Variants in ZNF362 observed in about 807,000 individuals in gnomAD.
ZNF362 encodes the protein zinc finger protein 362.
Under a neutral mutation model 42.9 loss-of-function variants are expected in ZNF362, and 11 were observed. The ratio of observed to expected loss-of-function variants is 0.26; its 90% CI spans 0.16 to 0.42. The LOEUF (loss-of-function observed/expected upper bound fraction) is 0.42, where lower values mean the gene tolerates loss of function less well. Among genes scored for constraint, ZNF362 ranks in the 20% least tolerant of loss-of-function variants. The pLI is 1.00. For missense variants in ZNF362, 362 were observed against 576.2 expected, an observed-to-expected ratio of 0.63 and a Z score of 3.81; for synonymous variants, 255 against 257.3, an observed-to-expected ratio of 0.99 and a Z score of 0.09.
At chr1:33,201,981 A>G in the ZNF362 span, among the ~76,000 whole-genome samples, 1 of 152,260 alleles carries the variant, frequency 6.6e-6, no homozygotes, top group African/African-American at 2.4e-5. Context: ...AGGGAGTACT[A>G]TGAGCACCTT....
the ZNF362 span, chr1:33,164,410 T>G: frequency 1.3e-5 from 2 of 152,344 alleles, no homozygotes; most frequent in Non-Finnish European, 1.5e-5. Flanking sequence ...TCACTCTGTA[T>G]AGTGGGGACT....
At chr1:33,162,138 A>T in the ZNF362 span, among the ~76,000 whole-genome samples, 102 of 152,288 alleles carry the variant, frequency 6.7e-4, no homozygotes, top group Non-Finnish European at 1.1e-3. Context: ...ATCCTTCTAA[A>T]GTGCCAACTG....
chr1:33,178,758 C>T, the ZNF362 span, among the ~76,000 whole-genome samples: 18 of 152,358 alleles, frequency 1.2e-4, no homozygotes, highest in South Asian at 3.7e-3. Context: ...CACAACAGTG[C>T]ACTAGAGAGT....
Position 33,294,884 on chromosome 1 carries a change from C to A in ZNF362, c.909-53C>A. 1 of 1,595,206 alleles carries A rather than the reference C, an allele frequency of 6.3e-7. No individual in the cohort carries two copies. The highest frequency in any genetic ancestry group is 8.6e-7 in the Non-Finnish European group (1 of 1,163,392). ...CAGAGTAAGGACTTGGGAACTGGAG[C>A]GGTCTTGGGGTGTGTGTCAGGGACT... On this transcript the variant is annotated intron_variant, in intron 6 of 8. Transcript: ENST00000539719. This position sits in a 1 kb window ranked among gnomAD's most constrained non-coding sequence, Gnocchi z 4.2.
Position 33,299,155 on chromosome 1 carries a change from G to C in ZNF362, c.*109G>C, listed in dbSNP as rs968111914. The C allele has an allele frequency of 2.3e-5, 19 of 813,666 alleles. No homozygotes were observed. Among genetic ancestry groups the C allele is most frequent in the Non-Finnish European group, 3.4e-5 (17 of 499,556 alleles). The allele number at this position is 813,666 out of a possible 1,614,324, so 50.4% of individuals were successfully genotyped here. On this transcript the variant is annotated 3_prime_UTR_variant, in exon 9 of 9. Transcript: ENST00000539719. ...TCCAGGAACCACCAAGCTCTCTCAC[G>C]ACCTTCCCAATCTTCCAGAAAGCTT...
intron 6 of ZNF362, among the ~76,000 whole-genome samples, chr1:33,292,451 G>A (rs964248179): frequency 6.6e-6 from 1 of 152,200 alleles, no homozygotes; most frequent in African/African-American, 2.4e-5. Flanking sequence ...TTTTTGATGT[G>A]TGGCTGGATT....
At chr1:33,149,019 C>T in the ZNF362 span, among the ~76,000 whole-genome samples, 2 of 152,348 alleles carry the variant, frequency 1.3e-5, no homozygotes, top group East Asian at 1.9e-4. Context: ...ACACGGTTCC[C>T]TCCACCTCCT....
At chr1:33,195,987 C>T in the ZNF362 span, 1 of 152,148 alleles carries the variant, frequency 6.6e-6, no homozygotes, top group Admixed American at 6.5e-5. Context: ...CGTTGTACAG[C>T]TGTACTAAAA....
At chr1:33,152,917 A>G in the ZNF362 span, among the ~76,000 whole-genome samples, 1 of 152,046 alleles carries the variant, frequency 6.6e-6, no homozygotes, top group Non-Finnish European at 1.5e-5. Context: ...CCTTGGGACA[A>G]TGGGCTGCCT....
At chr1:33,265,156 A>G (rs1300706693) in intron 1 of ZNF362, among the ~76,000 whole-genome samples, 1 of 151,714 alleles carries the variant, frequency 6.6e-6, no homozygotes, top group Non-Finnish European at 1.5e-5. Context: ...AAATAGAAGT[A>G]GGGAGGGGGA....
At chr1:33,218,283 A>G in the ZNF362 span, among the ~76,000 whole-genome samples, 1 of 152,186 alleles carries the variant, frequency 6.6e-6, no homozygotes, top group East Asian at 1.9e-4. Flanking sequence ...TCTACAAAAA[A>G]TTTAAAAATT....
the ZNF362 span, among the ~76,000 whole-genome samples, chr1:33,208,706 T>C: frequency 6.6e-6 from 1 of 152,128 alleles, no homozygotes; most frequent in Non-Finnish European, 1.5e-5. Context: ...TGAATAGGAG[T>C]TCACTCATGA....
chr1:33,292,014 C>G (rs1407851393), intron 6 of ZNF362, among the ~76,000 whole-genome samples: 1 of 152,194 alleles, frequency 6.6e-6, no homozygotes, highest in Non-Finnish European at 1.5e-5. Flanking sequence ...CATCTGCAAA[C>G]AGGGACAATT....
At chr1:33,240,031 T>C in the ZNF362 span, among the ~76,000 whole-genome samples, 1 of 152,152 alleles carries the variant, frequency 6.6e-6, no homozygotes, top group Admixed American at 6.5e-5. Context: ...CTACTAAATA[T>C]AGAAATGAGA....
chr1:33,147,492 G>A, the ZNF362 span: 28 of 1,613,200 alleles, frequency 1.7e-5, no homozygotes, highest in African/African-American at 6.7e-5. This position sits in a 1 kb window ranked among gnomAD's most constrained non-coding sequence, Gnocchi z 8.1. Context: ...TGCGGCTTGC[G>A]GCTTCGTGTG....
upstream of ZNF362, among the ~76,000 whole-genome samples, chr1:33,252,354 AAACAACAACAAC>A (rs3075190): frequency 5.1e-3 from 760 of 150,110 alleles, 3 homozygotes; most frequent in East Asian, 0.024. Context: ...CTCCATCTCA[AAACAACAACAAC>A]AACAACAACA....
At chr1:33,213,776 C>T in the ZNF362 span, among the ~76,000 whole-genome samples, 1 of 151,982 alleles carries the variant, frequency 6.6e-6, no homozygotes, top group Non-Finnish European at 1.5e-5. Flanking sequence ...ACCCGGGAGG[C>T]AAAGGTTGCA....
At chr1:33,195,596 C>T in the ZNF362 span, 2 of 151,990 alleles carry the variant, frequency 1.3e-5, no homozygotes, top group Admixed American at 6.6e-5. Flanking sequence ...ATACTGTTGG[C>T]AATTGTAACA....
chr1:33,285,107 C>A (rs1306184919), intron 6 of ZNF362, among the ~76,000 whole-genome samples: 1 of 152,154 alleles, frequency 6.6e-6, no homozygotes, highest in Non-Finnish European at 1.5e-5. Context: ...TAATCATGAT[C>A]AATTTTTCAA....
Sources: allele counts gnomAD v4.1 joint callset (sites outside exome capture counted in the v4.1 genomes callset), GRCh38; gene constraint gnomAD v4.1.1; non-coding constraint Gnocchi (gnomAD v3.1); transcripts MANE v1.5; gene names NCBI Gene and HGNC (gene_info 2026-07-23, HGNC 2026-07-21).